The following RALYL variants were observed in gnomAD, a reference collection of about 807,000 sequenced individuals.
RALYL encodes the protein RALY RNA binding protein like.
RALYL carries 29 observed loss-of-function variants against 35.1 expected under a neutral mutation model. The ratio of observed to expected loss-of-function variants is 0.83; its 90% CI spans 0.61 to 1.13. The LOEUF is 1.13. RALYL is among the 50% of genes most tolerant of loss of function. RALYL has a pLI of 0.00. For missense variants in RALYL, 359 were observed against 360.4 expected, an observed-to-expected ratio of 1.00 and a Z score of 0.03; for synonymous variants, 120 against 127.6, an observed-to-expected ratio of 0.94 and a Z score of 0.40.
intron 4 of RALYL, among the ~76,000 whole-genome samples, chr8:84,844,731 A>T (rs1834232557): frequency 6.6e-6 from 1 of 152,246 alleles, no homozygotes; most frequent in South Asian, 2.1e-4. Context: ...AATGTCCAAC[A>T]ATGATAGAGT....
chr8:84,580,403 A>C (rs535772484), intron 2 of RALYL, among the ~76,000 whole-genome samples: 10 of 152,168 alleles, frequency 6.6e-5, no homozygotes, highest in Non-Finnish European at 1.3e-4. Flanking sequence ...TGAGCACCTC[A>C]GGCAGCTTTC....
chr8:84,512,321 C>G (rs921345568), intron 1 of RALYL, among the ~76,000 whole-genome samples: 2 of 151,768 alleles, frequency 1.3e-5, no homozygotes, highest in Non-Finnish European at 2.9e-5. Context: ...GAATGTTTTT[C>G]ATATACCTAC....
intron 2 of RALYL, among the ~76,000 whole-genome samples, chr8:84,653,808 G>A (rs778215050): frequency 1.3e-5 from 2 of 151,402 alleles, no homozygotes; most frequent in Non-Finnish European, 2.9e-5. Flanking sequence ...GTTAGAATGT[G>A]TAAGTTCTAT....
At chr8:84,322,154 A>G (rs1844976690) in intron 1 of RALYL, among the ~76,000 whole-genome samples, 1 of 152,138 alleles carries the variant, frequency 6.6e-6, no homozygotes, top group African/African-American at 2.4e-5. Context: ...TGACCCAAAT[A>G]GCAGTATAAA....
intron 2 of RALYL, among the ~76,000 whole-genome samples, chr8:84,591,195 C>CT (rs1216379623): frequency 6.6e-6 from 1 of 152,056 alleles, no homozygotes; most frequent in Non-Finnish European, 1.5e-5. Flanking sequence ...TGTGAAGAGT[C>CT]TGAGTTTTTA....
At chr8:84,376,696 A>C (rs1182283873) in intron 1 of RALYL, among the ~76,000 whole-genome samples, 1 of 151,560 alleles carries the variant, frequency 6.6e-6, no homozygotes, top group Non-Finnish European at 1.5e-5. Flanking sequence ...TCAAAGCAGG[A>C]CTCCCTGCAG....
intron 2 of RALYL, among the ~76,000 whole-genome samples, chr8:84,589,687 A>G (rs2130487006): frequency 6.6e-6 from 1 of 152,332 alleles, no homozygotes; most frequent in Admixed American, 6.5e-5. Context: ...TCAGCTGATC[A>G]TATCTGGTAA....
At chr8:84,586,252 G>A (rs987031964) in intron 2 of RALYL, among the ~76,000 whole-genome samples, 46 of 151,358 alleles carry the variant, frequency 3.0e-4, no homozygotes, top group African/African-American at 8.2e-4. Flanking sequence ...CCTGATTTCA[G>A]AAAGGCACTG....
intron 2 of RALYL, among the ~76,000 whole-genome samples, chr8:84,534,332 A>C (rs12677170): frequency 0.099 from 15,023 of 152,286 alleles, 1,052 homozygotes; most frequent in Admixed American, 0.2. Context: ...TTCAGATCTC[A>C]AATGAAATTT....
intron 4 of RALYL, among the ~76,000 whole-genome samples, chr8:84,843,131 A>G (rs537505410): frequency 6.6e-6 from 1 of 152,300 alleles, no homozygotes; most frequent in East Asian, 1.9e-4. Context: ...ATCAGGCAAG[A>G]GAAGGAAATA....
chr8:84,718,553 C>T (rs1040522464), intron 2 of RALYL, among the ~76,000 whole-genome samples: 1 of 152,046 alleles, frequency 6.6e-6, no homozygotes, highest in Non-Finnish European at 1.5e-5. Flanking sequence ...CACCTGAGGT[C>T]AGGAGTCCAA....
intron 1 of RALYL, among the ~76,000 whole-genome samples, chr8:84,468,711 T>A (rs1382891514): frequency 6.6e-6 from 1 of 150,878 alleles, no homozygotes; most frequent in East Asian, 1.9e-4. Context: ...ACTGGGGAAG[T>A]TCTCCTGGAT....
upstream of RALYL, chr8:84,183,223 C>T: frequency 7.4e-6 from 1 of 135,406 alleles, no homozygotes; most frequent in Non-Finnish European, 1.7e-5. Context: ...CTTGCGTGTG[C>T]GTGTGCGTGT....
At chr8:84,580,553 A>G (rs923084689) in intron 2 of RALYL, among the ~76,000 whole-genome samples, 2 of 152,208 alleles carry the variant, frequency 1.3e-5, no homozygotes, top group Non-Finnish European at 2.9e-5. Flanking sequence ...ATCCATCACC[A>G]TGACCCAAAC....
chr8:84,234,104 TATC>T (rs1231159774), intron 1 of RALYL, among the ~76,000 whole-genome samples: 1 of 152,190 alleles, frequency 6.6e-6, no homozygotes, highest in East Asian at 1.9e-4. Flanking sequence ...TAAACATAAA[TATC>T]ATAAGGAAAA....
At chr8:84,868,383 G>A (rs1172811014) in intron 6 of RALYL, among the ~76,000 whole-genome samples, 3 of 152,006 alleles carry the variant, frequency 2.0e-5, no homozygotes, top group Admixed American at 1.3e-4. Context: ...TGTGGAGTTA[G>A]GGATCTCAGC....
chr8:84,191,963 T>C (rs913026492), intron 1 of RALYL, among the ~76,000 whole-genome samples: 4 of 152,166 alleles, frequency 2.6e-5, no homozygotes, highest in Non-Finnish European at 5.9e-5. Context: ...AGTGATAAAA[T>C]AATCAATTAA....
At chr8:84,763,806 G>A (rs1813245682) in intron 2 of RALYL, among the ~76,000 whole-genome samples, 1 of 152,100 alleles carries the variant, frequency 6.6e-6, no homozygotes, top group Non-Finnish European at 1.5e-5. Flanking sequence ...ATACAAACTT[G>A]TTAATTAACG....
At chr8:84,277,474 A>G (rs1425681588) in intron 1 of RALYL, among the ~76,000 whole-genome samples, 1 of 152,120 alleles carries the variant, frequency 6.6e-6, no homozygotes, top group Non-Finnish European at 1.5e-5. Context: ...CAAATCTTAT[A>G]TCCTCACATT....
Sources: allele counts gnomAD v4.1 joint callset (sites outside exome capture counted in the v4.1 genomes callset), GRCh38; gene constraint gnomAD v4.1.1; transcripts MANE v1.5; gene names NCBI Gene and HGNC (gene_info 2026-07-23, HGNC 2026-07-21).